KIAA0232: variants seen among roughly 807,000 people sequenced by gnomAD.
The protein encoded by KIAA0232 is uncharacterized protein KIAA0232.
A neutral mutation model predicts 122.0 loss-of-function variants in KIAA0232; 27 were observed. The observed-to-expected ratio is 0.22, with a 90% CI of 0.16 to 0.31. The LOEUF (loss-of-function observed/expected upper bound fraction) is 0.31, where lower values mean the gene tolerates loss of function less well. Ranked by LOEUF, KIAA0232 falls within the 10% of genes least tolerant of loss-of-function variation. The pLI, the probability that KIAA0232 is intolerant of heterozygous loss-of-function variation, is 1.00. For missense variants in KIAA0232, 1,551 were observed against 1,634.2 expected, an observed-to-expected ratio of 0.95 and a Z score of 0.88; for synonymous variants, 613 against 587.6, an observed-to-expected ratio of 1.04 and a Z score of -0.63.
chr4:6,874,352 G>A (rs547634413), intron 8 of KIAA0232, among the ~76,000 whole-genome samples: 2 of 152,326 alleles, frequency 1.3e-5, no homozygotes, highest in African/African-American at 2.4e-5. Flanking sequence ...GCAGTGGCTT[G>A]TGCAGGGACA....
rs1034790348 is a variant in KIAA0232 at position 6,855,427 on chromosome 4, A to G, written c.370-1737A>G. 1.3e-5 allele frequency among the ~76,000 whole-genome samples: 2 copies of G among 152,144 alleles called. No individual in the cohort carries two copies. Among genetic ancestry groups the G allele is most frequent in the Non-Finnish European group, 2.9e-5 (2 of 68,020 alleles). ...ATATATAAGATGCTACAGGTAGTCA[A>G]GAAAAGAACAGAAAAACCTGGTTGG... On this transcript the variant is annotated intron_variant, in intron 4 of 9. Transcript: ENST00000307659. This position sits in a 1 kb window ranked among gnomAD's most constrained non-coding sequence, Gnocchi z 4.3.
intron 3 of KIAA0232, among the ~76,000 whole-genome samples, chr4:6,836,614 C>T (rs1233880973): frequency 1.5e-3 from 207 of 139,948 alleles, no homozygotes; most frequent in African/African-American, 5.4e-3. Flanking sequence ...TTGGCAGGGT[C>T]GTAGGACAAT....
At chr4:6,843,927 CTTTTTTTTTT>C (rs373793407) in intron 4 of KIAA0232, among the ~76,000 whole-genome samples, 581 of 46,294 alleles carry the variant, frequency 0.013, 4 homozygotes, top group African/African-American at 0.032. Flanking sequence ...AGTTACCCAT[CTTTTTTTTTT>C]TTTTTTTTTT....
intron 6 of KIAA0232, 34 bp from the exon 7 acceptor site, chr4:6,860,867 A>G (rs1376572084): frequency 1.3e-6 from 2 of 1,570,942 alleles, no homozygotes; most frequent in East Asian, 2.2e-5. Flanking sequence ...AAATCTGCAT[A>G]CTCGTGTTTT....
At chr4:6,856,527 G>A (rs1367632570) in intron 4 of KIAA0232, among the ~76,000 whole-genome samples, 3 of 151,986 alleles carry the variant, frequency 2.0e-5, no homozygotes, top group Admixed American at 1.3e-4. Flanking sequence ...ACTCTTCTAT[G>A]TACTCTCCTT....
intron 8 of KIAA0232, 104 bp from the exon 9 acceptor site, chr4:6,876,556 T>TA (rs1448049250): frequency 3.0e-5 from 24 of 813,534 alleles, no homozygotes; most frequent in Non-Finnish European, 4.1e-5. Flanking sequence ...CTAACTGATG[T>TA]AGCTTTTTAG....
chr4:6,858,493 G>A lies in KIAA0232; in HGVS notation c.505G>A (p.Asp169Asn), dbSNP rs769698500. ...GGCAGAATTATCCCCTCCAGCAAAG[G>A]ATCAAGTGGAAATGTATGTAAGATT... ...PEAELSPPAK[D>N]QVEMYYEAFP... The change falls in exon 6 of 10, where the codon GAT becomes AAT. Residue 169 changes from aspartate (D) to asparagine (N), a missense_variant. Asp to Asn is a conservative substitution (Grantham distance 23, BLOSUM62 1). Transcript: ENST00000307659. The A allele has an allele frequency of 1.2e-6, 2 of 1,604,360 alleles. No homozygotes were observed. Among genetic ancestry groups the A allele is most frequent in the East Asian group, 4.5e-5 (2 of 44,628 alleles).
At chr4:6,786,891 T>C (rs1317695841) in intron 1 of KIAA0232, among the ~76,000 whole-genome samples, 2 of 152,154 alleles carry the variant, frequency 1.3e-5, no homozygotes, top group East Asian at 3.9e-4. Context: ...TTAAAAATAT[T>C]CCTTGTATTG....
intron 2 of KIAA0232, among the ~76,000 whole-genome samples, chr4:6,808,862 G>A (rs760031979): frequency 1.3e-5 from 2 of 152,170 alleles, no homozygotes; most frequent in East Asian, 1.9e-4. Flanking sequence ...ACCTGCCAAG[G>A]CCTAAGCATT....
chr4:6,850,301 C>T (rs746482759), intron 4 of KIAA0232, among the ~76,000 whole-genome samples: 3 of 152,156 alleles, frequency 2.0e-5, no homozygotes, highest in Non-Finnish European at 4.4e-5. Context: ...GACCCATGTA[C>T]GCTTTCCTAA....
intron 2 of KIAA0232, among the ~76,000 whole-genome samples, chr4:6,820,757 A>G (rs528431579): frequency 4.6e-5 from 7 of 152,312 alleles, no homozygotes; most frequent in Admixed American, 3.3e-4. Context: ...GTTCCCTTGA[A>G]TGGATCCACA....
intron 1 of KIAA0232, among the ~76,000 whole-genome samples, chr4:6,800,805 T>C (rs886966886): frequency 3.9e-5 from 6 of 152,126 alleles, no homozygotes; most frequent in African/African-American, 1.4e-4. Flanking sequence ...TTGGGTCACA[T>C]AGAAAATGCA....
intron 1 of KIAA0232, among the ~76,000 whole-genome samples, chr4:6,803,136 G>T (rs958276201): frequency 2.7e-5 from 4 of 149,430 alleles, no homozygotes; most frequent in African/African-American, 7.4e-5. Flanking sequence ...AGCTATGATT[G>T]TACCACTGCA....
chr4:6,876,638 T>G, intron 8 of KIAA0232, 22 bp from the exon 9 acceptor site: 4 of 1,469,270 alleles, frequency 2.7e-6, no homozygotes, highest in Non-Finnish European at 3.8e-6. Context: ...CTCTTTTCCC[T>G]TCTCCATTCC....
intron 3 of KIAA0232, among the ~76,000 whole-genome samples, chr4:6,826,093 A>T (rs1718663653): frequency 6.6e-6 from 1 of 151,910 alleles, no homozygotes; most frequent in African/African-American, 2.4e-5. Flanking sequence ...GGCATTACAG[A>T]TGGGGAGCTA....
rs532998958 is a variant in KIAA0232 at position 6,837,073 on chromosome 4, C to T, written c.232-4994C>T. Among the ~76,000 whole-genome samples, 20 of 152,270 alleles carry T rather than the reference C, an allele frequency of 1.3e-4. 1 individual carries two copies. The South Asian group carries it at 2.1e-3, about 16-fold the overall frequency. Reference sequence around the variant, plus strand: ...TGAGCTGTTGGGTACACCTCCCAGACGGGGTGGCGGCCGGGCAGAGGGGCC... The same window carrying T: ...TGAGCTGTTGGGTACACCTCCCAGATGGGGTGGCGGCCGGGCAGAGGGGCC... On this transcript the variant is annotated intron_variant, in intron 3 of 9. Coordinates refer to ENST00000307659, the MANE Select transcript of KIAA0232 (RefSeq NM_014743.3).
chr4:6,876,133 T>G (rs548790144), intron 8 of KIAA0232, among the ~76,000 whole-genome samples: 71 of 152,334 alleles, frequency 4.7e-4, no homozygotes, highest in African/African-American at 1.7e-3. Context: ...TTTTTCCTAT[T>G]CATAGATGTG....
At chr4:6,852,558 G>GA (rs1242539589) in intron 4 of KIAA0232, among the ~76,000 whole-genome samples, 1 of 152,156 alleles carries the variant, frequency 6.6e-6, no homozygotes, top group Non-Finnish European at 1.5e-5. Context: ...ACTAAGATCT[G>GA]AAAAACTGTA....
At chr4:6,821,206 T>A (rs758353136) in intron 2 of KIAA0232, among the ~76,000 whole-genome samples, 10 of 152,224 alleles carry the variant, frequency 6.6e-5, no homozygotes, top group Non-Finnish European at 1.2e-4. Flanking sequence ...TGAAAGTTTT[T>A]AATTTTTTGC....
Sources: gnomAD v4.1 joint callset for allele counts (sites outside exome capture counted in the v4.1 genomes callset) on GRCh38, gnomAD v4.1.1 for gene constraint, Gnocchi (gnomAD v3.1) non-coding constraint, MANE v1.5 for transcripts, NCBI Gene and HGNC (gene_info 2026-07-23, HGNC 2026-07-21) for gene names.